STRN: variants seen among roughly 807,000 people sequenced by gnomAD.
The protein encoded by STRN is striatin.
In STRN, 53 loss-of-function variants were observed where a neutral mutation model predicts 96.3. The observed-to-expected ratio is 0.55, with a 90% CI of 0.44 to 0.69. The LOEUF (loss-of-function observed/expected upper bound fraction) is 0.69. STRN is among the 30% of genes least tolerant of loss of function. STRN has a pLI of 0.00. For synonymous variants in STRN, 428 were observed against 355.9 expected (o/e 1.20, Z -2.28); for missense variants, 987 against 963.9 (o/e 1.02, Z -0.32).
chr2:36,888,566 C>T (rs769275316), intron 7 of STRN, among the ~76,000 whole-genome samples: 24 of 151,826 alleles, frequency 1.6e-4, no homozygotes, highest in South Asian at 2.1e-4. Context: ...TCCCTCATCA[C>T]GTCTTTTACT....
At chr2:36,948,861 T>C (rs1239493219) in intron 1 of STRN, among the ~76,000 whole-genome samples, 1 of 152,126 alleles carries the variant, frequency 6.6e-6, no homozygotes, top group Non-Finnish European at 1.5e-5. Flanking sequence ...AATATATAAA[T>C]CTACAAGGTG....
intron 1 of STRN, among the ~76,000 whole-genome samples, chr2:36,943,424 T>A (rs997935370): frequency 3.3e-5 from 5 of 151,692 alleles, no homozygotes; most frequent in African/African-American, 1.2e-4. Flanking sequence ...TTAATAAAAC[T>A]TTTACGAAGC....
chr2:36,953,922 G>A (rs764325341), intron 1 of STRN, among the ~76,000 whole-genome samples: 80 of 152,136 alleles, frequency 5.3e-4, no homozygotes, highest in Non-Finnish European at 6.2e-4. Flanking sequence ...ACTGAGCCCA[G>A]GAGTGTGAGG....
rs1668054600 is a variant in STRN, at chr2:36,845,882, TAAACAC to T, written c.*3568_*3573del. On this transcript the variant is annotated 3_prime_UTR_variant, in exon 18 of 18. Transcript: ENST00000263918. ...ACAAATCAGGACCTTCACAGATTGG[TAAACAC>T]ACACACACACACACACACGCATGCA... 1.5e-5 allele frequency: 1 copy of T among 67,504 alleles called. No individual in the cohort carries two copies. The highest frequency in any genetic ancestry group is 4.8e-5 in the African/African-American group (1 of 20,674). 4.2% of individuals were successfully genotyped at this position (67,504 alleles called of 1,614,324 possible).
chr2:36,847,324 T>C lies in STRN; in HGVS notation c.*2132A>G, dbSNP rs1438149166. 6.6e-6 allele frequency: 1 copy of C among 152,164 alleles called. No individual in the cohort carries two copies. Among genetic ancestry groups the C allele is most frequent in the Non-Finnish European group, 1.5e-5 (1 of 68,016 alleles). The allele number at this position is 152,164 out of a possible 1,614,324, so 9.4% of individuals were successfully genotyped here. ...ACTGAAGATCTTAGAAGGTAATTAA[T>C]AACTGGTAGAACAATAGCTTTGTGG... On this transcript the variant is annotated 3_prime_UTR_variant, in exon 18 of 18. Coordinates refer to ENST00000263918, the MANE Select transcript of STRN (RefSeq NM_003162.4).
chr2:36,912,226 C>T (rs1318080399), intron 3 of STRN, among the ~76,000 whole-genome samples: 1 of 152,190 alleles, frequency 6.6e-6, no homozygotes, highest in Non-Finnish European at 1.5e-5. Flanking sequence ...CTCTAAGACA[C>T]ACATCACACG....
chr2:36,875,255 A>C (rs1177777440), intron 10 of STRN, among the ~76,000 whole-genome samples: 1 of 152,170 alleles, frequency 6.6e-6, no homozygotes. Flanking sequence ...CATGCCTGTA[A>C]TCCCAGCACT....
intron 1 of STRN, among the ~76,000 whole-genome samples, chr2:36,953,248 C>T (rs1342960123): frequency 6.6e-5 from 10 of 152,134 alleles, no homozygotes; most frequent in Admixed American, 6.5e-4. Context: ...TTCCTATTCC[C>T]TTATTTTTCT....
At position 36,847,275 on chromosome 2, in the gene STRN, T is replaced by A. The variant is rs932653203; in HGVS notation, c.*2181A>T. The A allele has an allele frequency of 1.3e-5, 2 of 152,138 alleles. No homozygotes were observed. Among genetic ancestry groups the A allele is most frequent in the African/African-American group, 4.8e-5 (2 of 41,438 alleles). 9.4% of individuals were successfully genotyped at this position (152,138 alleles called of 1,614,324 possible). A position where few individuals can be genotyped will look rare whatever the true frequency, so the allele number is the denominator to read the frequency against. ...GGAAGAATGTCCTGGTTTTTAGAAT[T>A]TCAGTGACATTAATAAAGCAGTAAC... On this transcript the variant is annotated 3_prime_UTR_variant, in exon 18 of 18. Transcript: ENST00000263918.
At chr2:36,886,847 G>T (rs774860485) in intron 7 of STRN, 21 bp from the exon 8 acceptor site, 2 of 1,584,146 alleles carry the variant, frequency 1.3e-6, no homozygotes, top group East Asian at 2.3e-5. Context: ...TGAAACAAAT[G>T]AAACAGCCTT....
At chr2:36,938,781 TTA>T (rs1419083708) in intron 1 of STRN, among the ~76,000 whole-genome samples, 4 of 152,216 alleles carry the variant, frequency 2.6e-5, no homozygotes, top group Non-Finnish European at 5.9e-5. Context: ...TAATCATCCT[TTA>T]TATCTTACTT....
intron 7 of STRN, among the ~76,000 whole-genome samples, chr2:36,891,300 G>A (rs1669390377): frequency 6.6e-6 from 1 of 152,172 alleles, no homozygotes; most frequent in Non-Finnish European, 1.5e-5. Flanking sequence ...GCCAAGGCAG[G>A]CAGATCATTT....
chr2:36,895,498 C>T (rs1347286896), intron 6 of STRN, among the ~76,000 whole-genome samples: 1 of 152,046 alleles, frequency 6.6e-6, no homozygotes, highest in African/African-American at 2.4e-5. Context: ...ACAAAAAAAG[C>T]AAGATCAGTG....
At chr2:36,860,410 A>G (rs1479224558) in intron 13 of STRN, among the ~76,000 whole-genome samples, 2 of 152,180 alleles carry the variant, frequency 1.3e-5, no homozygotes, top group Non-Finnish European at 1.5e-5. Context: ...CGTTAAATAA[A>G]TGCTGGGAAA....
intron 2 of STRN, among the ~76,000 whole-genome samples, chr2:36,922,971 G>A (rs1231479824): frequency 1.3e-5 from 2 of 151,698 alleles, no homozygotes; most frequent in Non-Finnish European, 1.5e-5. Flanking sequence ...GTGAAACCCC[G>A]TTTCTACTGA....
chr2:36,935,452 T>C (rs1423090711), intron 1 of STRN, among the ~76,000 whole-genome samples: 1 of 152,210 alleles, frequency 6.6e-6, no homozygotes, highest in Non-Finnish European at 1.5e-5. Flanking sequence ...ACACCTTCTA[T>C]AATTAATCTC....
At chr2:36,923,036 G>C (rs2148228055) in intron 2 of STRN, among the ~76,000 whole-genome samples, 1 of 152,086 alleles carries the variant, frequency 6.6e-6, no homozygotes, top group East Asian at 1.9e-4. Flanking sequence ...CAGCTACTTG[G>C]GAGGCTGAGG....
At chr2:36,944,125 A>T (rs903171160) in intron 1 of STRN, among the ~76,000 whole-genome samples, 1 of 149,506 alleles carries the variant, frequency 6.7e-6, no homozygotes, top group African/African-American at 2.6e-5. Flanking sequence ...TATCTCAAAA[A>T]AACAAACAAA....
intron 7 of STRN, among the ~76,000 whole-genome samples, chr2:36,893,649 A>C (rs1669460911): frequency 6.6e-6 from 1 of 152,200 alleles, no homozygotes; most frequent in African/African-American, 2.4e-5. Context: ...AACAGAGAAT[A>C]TTCTGTATAG....
Sources: allele counts gnomAD v4.1 joint callset (sites outside exome capture counted in the v4.1 genomes callset), GRCh38; gene constraint gnomAD v4.1.1; transcripts MANE v1.5; gene names NCBI Gene and HGNC (gene_info 2026-07-23, HGNC 2026-07-21).